PLXDC1: variants seen among roughly 807,000 people sequenced by gnomAD.
PLXDC1 encodes the protein plexin domain-containing protein 1.
A neutral mutation model predicts 61.3 loss-of-function variants in PLXDC1; 39 were observed. The observed-to-expected ratio is 0.64, with a 90% CI of 0.49 to 0.83. The LOEUF is 0.83. Among genes scored for constraint, PLXDC1 ranks in the 40% least tolerant of loss-of-function variants. The pLI, the probability that PLXDC1 is intolerant of heterozygous loss-of-function variation, is 0.00. For synonymous variants in PLXDC1, 212 were observed against 254.5 expected (o/e 0.83, Z 1.59); for missense variants, 596 against 666.5 (o/e 0.89, Z 1.17).
chr17:39,081,911 C>T (rs1000919742), intron 9 of PLXDC1, among the ~76,000 whole-genome samples: 1 of 152,198 alleles, frequency 6.6e-6, no homozygotes, highest in Admixed American at 6.5e-5. Context: ...CACTGCACCC[C>T]AGCCTGGATG....
At chr17:39,095,825 T>C (rs944340753) in intron 7 of PLXDC1, among the ~76,000 whole-genome samples, 1 of 152,038 alleles carries the variant, frequency 6.6e-6, no homozygotes, top group Non-Finnish European at 1.5e-5. Context: ...CCACCACACC[T>C]GGCTGATTTC....
chr17:39,141,583 T>C (rs912019233), intron 1 of PLXDC1, among the ~76,000 whole-genome samples: 1 of 152,270 alleles, frequency 6.6e-6, no homozygotes, highest in Non-Finnish European at 1.5e-5. Flanking sequence ...TTGTGAACAA[T>C]GCTGCTACAA....
intron 2 of PLXDC1, among the ~76,000 whole-genome samples, chr17:39,125,025 C>T (rs931952098): frequency 5.3e-5 from 8 of 152,210 alleles, no homozygotes; most frequent in African/African-American, 1.9e-4. Flanking sequence ...CCCTATCAGC[C>T]AGGCTGGTCT....
At chr17:39,114,098 G>A (rs985125937) in intron 2 of PLXDC1, among the ~76,000 whole-genome samples, 2 of 152,106 alleles carry the variant, frequency 1.3e-5, no homozygotes, top group Admixed American at 1.3e-4. Context: ...GTGAGTATAA[G>A]GACAAGAGCC....
intron 2 of PLXDC1, among the ~76,000 whole-genome samples, chr17:39,130,721 C>T (rs1485840873): frequency 3.3e-5 from 5 of 151,950 alleles, no homozygotes; most frequent in African/African-American, 7.2e-5. Context: ...CCACCACGCC[C>T]GGCTAATTTT....
At chr17:39,137,494 G>T (rs1911791963) in intron 2 of PLXDC1, 1 of 152,160 alleles carries the variant, frequency 6.6e-6, no homozygotes, top group African/African-American at 2.4e-5. Flanking sequence ...AGGAGGAGGA[G>T]GTTGCAATGA....
intron 7 of PLXDC1, among the ~76,000 whole-genome samples, chr17:39,090,126 C>T (rs1909892312): frequency 1.3e-5 from 2 of 152,042 alleles, no homozygotes; most frequent in South Asian, 4.2e-4. Flanking sequence ...TTATCCTTAA[C>T]GTTGGAATTA....
intron 2 of PLXDC1, among the ~76,000 whole-genome samples, chr17:39,129,401 G>A (rs1156369991): frequency 3.3e-5 from 5 of 151,338 alleles, no homozygotes; most frequent in South Asian, 2.1e-4. Context: ...GGTGGATCAC[G>A]AGGTCAGGAG....
intron 2 of PLXDC1, among the ~76,000 whole-genome samples, chr17:39,128,125 A>ATGTGTATATATAGGTATATATATG (rs2143837356): frequency 2.7e-5 from 1 of 36,758 alleles, no homozygotes; most frequent in Admixed American, 2.2e-4. Flanking sequence ...GTATATATAT[A>ATGTGTATATATAGGTATATATATG]TGTGTATATA....
chr17:39,151,612 AGCT>A lies in PLXDC1; in HGVS notation c.-178_-176del. On this transcript the variant is annotated 5_prime_UTR_variant, in exon 1 of 14. Transcript: ENST00000315392. This position sits in a 1 kb window ranked among gnomAD's most constrained non-coding sequence, Gnocchi z 5.2. Reference sequence around the variant, plus strand: ...GCAGGAGCGGCGAGAGCGCGAGCGGAGCTGGAGGCTGCGGCCTCCGGGAGCAGG... The same window carrying A: ...GCAGGAGCGGCGAGAGCGCGAGCGGAGGAGGCTGCGGCCTCCGGGAGCAGG... The A allele has an allele frequency of 9.2e-7, 1 of 1,084,512 alleles. No individual in the cohort carries two copies. The allele number at this position is 1,084,512 out of a possible 1,614,324, so 67.2% of individuals were successfully genotyped here.
intron 7 of PLXDC1, among the ~76,000 whole-genome samples, chr17:39,095,376 C>CCCT (rs1910134367): frequency 1.3e-4 from 1 of 7,734 alleles, no homozygotes; most frequent in African/African-American, 5.5e-4. Context: ...CGCCCCCCCC[C>CCCT]CCCAACCCCC....
Position 39,120,341 on chromosome 17 carries a change from C to T in PLXDC1, c.256-10950G>A, listed in dbSNP as rs79510530. The stretch of plus-strand genomic sequence containing the variant: ...TAAATTTTGTATTTTTAGTAGAGAC[C>T]GACCTCAGGTGATCCACCCTCCTCG... On this transcript the variant is annotated intron_variant, in intron 2 of 13. Coordinates refer to ENST00000315392, the MANE Select transcript of PLXDC1 (RefSeq NM_020405.5). Among the ~76,000 whole-genome samples, 2,496 of 151,710 alleles carry T rather than the reference C, an allele frequency of 0.016. 157 individuals are homozygous for T. In the East Asian group the frequency reaches 0.22, roughly 13 times the overall value.
rs1333043483 is a variant in PLXDC1 at position 39,083,504 on chromosome 17, G to C, written c.944C>G (p.Ser315Cys). ...LQHRSCDACM[S>C]SDLTFNCSWC... Reference sequence around the variant, plus strand: ...GCTGCAGTTGAAGGTCAGGTCTGAGGACATGCAGGCGTCACAGCTCCTATG... The same window carrying C: ...GCTGCAGTTGAAGGTCAGGTCTGAGCACATGCAGGCGTCACAGCTCCTATG... The change falls in exon 9 of 14, where the codon TCC becomes TGC. Residue 315 changes from serine to cysteine, a missense_variant. Ser to Cys is a moderately radical substitution (Grantham distance 112, BLOSUM62 -1). Transcript: ENST00000315392. 1 of 1,613,866 alleles carries C rather than the reference G, an allele frequency of 6.2e-7. No individual in the cohort carries two copies. The highest frequency in any genetic ancestry group is 1.7e-5 in the Admixed American group (1 of 60,002).
chr17:39,146,070 C>CTT (rs71141767), intron 1 of PLXDC1, among the ~76,000 whole-genome samples: 2,738 of 131,174 alleles, frequency 0.021, 136 homozygotes, highest in Middle Eastern at 0.07. Context: ...CGGCCCATTC[C>CTT]TTTTTTTTTT....
At chr17:39,152,791 AAAAG>A, upstream of PLXDC1, 3 of 806,342 alleles carry the variant, frequency 3.7e-6, no homozygotes, top group Non-Finnish European at 5.0e-6. Flanking sequence ...AAAAGAAAAG[AAAAG>A]AAAAAAAAAC....
intron 11 of PLXDC1, chr17:39,073,463 A>C (rs1909204718): frequency 1.3e-5 from 2 of 152,270 alleles, no homozygotes; most frequent in African/African-American, 4.8e-5. Context: ...ACTTGTTGCA[A>C]ATCTAGACCA....
intron 7 of PLXDC1, among the ~76,000 whole-genome samples, chr17:39,093,318 C>T (rs568962185): frequency 8.5e-5 from 13 of 152,310 alleles, no homozygotes; most frequent in African/African-American, 2.9e-4. Flanking sequence ...GCAATCCTCC[C>T]GCCTCCAATT....
intron 7 of PLXDC1, among the ~76,000 whole-genome samples, chr17:39,103,908 C>T (rs542699005): frequency 1.3e-5 from 2 of 150,990 alleles, no homozygotes; most frequent in South Asian, 4.2e-4. Context: ...GAGGGATGTG[C>T]AAACAAGTAA....
intron 7 of PLXDC1, among the ~76,000 whole-genome samples, chr17:39,097,629 T>C (rs1261966854): frequency 6.6e-6 from 1 of 151,972 alleles, no homozygotes. Flanking sequence ...ACATCTGTAA[T>C]CCAGTGCTTT....
Sources: allele counts gnomAD v4.1 joint callset (sites outside exome capture counted in the v4.1 genomes callset), GRCh38; gene constraint gnomAD v4.1.1; non-coding constraint Gnocchi (gnomAD v3.1); transcripts MANE v1.5; gene names NCBI Gene and HGNC (gene_info 2026-07-23, HGNC 2026-07-21).